Variants in CLDN10 observed in about 807,000 individuals in gnomAD.
CLDN10 encodes the protein claudin-10.
CLDN10 carries 15 observed loss-of-function variants against 22.9 expected under a neutral mutation model. That is an observed-to-expected ratio of 0.65 (90% CI 0.44 to 1.01). The LOEUF is 1.01. Ranked by LOEUF, CLDN10 falls within the 50% of genes least tolerant of loss-of-function variation. The probability of loss-of-function intolerance (pLI) is 0.00; values close to 1 mark genes in which losing one functional copy is unlikely to be tolerated. For missense variants in CLDN10, 247 were observed against 287.8 expected, an observed-to-expected ratio of 0.86 and a Z score of 1.03; for synonymous variants, 114 against 111.4, an observed-to-expected ratio of 1.02 and a Z score of -0.15.
chr13:95,577,358 A>C lies in CLDN10; in HGVS notation c.572+20A>C. On this transcript the variant is annotated intron_variant, in intron 4 of 4. Transcript: ENST00000299339. ...ACCCAGGTATGAAAAAGAGACAAAA[A>C]TGACCTGTTAAAAAGTAGAATGCTA... The C allele has an allele frequency of 6.9e-7, 1 of 1,454,230 alleles. No individual in the cohort carries two copies. Among genetic ancestry groups the C allele is most frequent in the East Asian group, 2.3e-5 (1 of 44,126 alleles). 90.1% of individuals were successfully genotyped at this position (1,454,230 alleles called of 1,614,324 possible). A position where few individuals can be genotyped will look rare whatever the true frequency, so the allele number is the denominator to read the frequency against.
chr13:95,479,825 C>T (rs1594548617), intron 1 of CLDN10: 1 of 152,202 alleles, frequency 6.6e-6, no homozygotes, highest in South Asian at 2.1e-4. Flanking sequence ...TACAGCTCCT[C>T]CCACATCCCC....
At chr13:95,493,908 G>A (rs913827896) in intron 1 of CLDN10, among the ~76,000 whole-genome samples, 1 of 151,974 alleles carries the variant, frequency 6.6e-6, no homozygotes, top group Non-Finnish European at 1.5e-5. Context: ...CGTTTTCAAG[G>A]TTCATCCACG....
At chr13:95,559,389 C>T (rs906904451) in intron 1 of CLDN10, among the ~76,000 whole-genome samples, 2 of 152,190 alleles carry the variant, frequency 1.3e-5, no homozygotes, top group Non-Finnish European at 2.9e-5. Context: ...ACAGAACATA[C>T]TCGTTAGGGT....
At chr13:95,456,104 A>C (rs1057308997) in intron 1 of CLDN10, among the ~76,000 whole-genome samples, 2 of 152,248 alleles carry the variant, frequency 1.3e-5, no homozygotes, top group Non-Finnish European at 2.9e-5. Context: ...GGTACAAAAA[A>C]GCTGAAAGAG....
At chr13:95,545,688 AT>A (rs754553788) in intron 1 of CLDN10, among the ~76,000 whole-genome samples, 17 of 152,242 alleles carry the variant, frequency 1.1e-4, no homozygotes, top group South Asian at 4.2e-4. Context: ...AAATAACAAT[AT>A]TTTTTATGGC....
intron 1 of CLDN10, among the ~76,000 whole-genome samples, chr13:95,513,352 A>C (rs1178822242): frequency 6.6e-6 from 1 of 152,220 alleles, no homozygotes; most frequent in African/African-American, 2.4e-5. Flanking sequence ...TAGTTTACAT[A>C]ACAAGGGGCA....
At chr13:95,562,458 C>T (rs895540004) in intron 3 of CLDN10, among the ~76,000 whole-genome samples, 3 of 152,074 alleles carry the variant, frequency 2.0e-5, no homozygotes, top group South Asian at 4.1e-4. Context: ...GGTTTTAGAC[C>T]TCAATATAAC....
Position 95,461,314 on chromosome 13 carries a change from T to C in CLDN10, c.214+27267T>C, listed in dbSNP as rs151018423. 9.2e-5 allele frequency among the ~76,000 whole-genome samples: 14 copies of C among 152,310 alleles called. No individual in the cohort carries two copies. In the East Asian group the frequency reaches 2.1e-3, roughly 23 times the overall value. On this transcript the variant is annotated intron_variant, in intron 1 of 4. Coordinates refer to the CLDN10 transcript ENST00000376873. The stretch of plus-strand genomic sequence containing the variant: ...CTCAGCTAGAACACTCTAGTACTTC[T>C]ACTCCACCCCATTCTATTGCTCTTT...
At chr13:95,563,819 C>T (rs1303836849) in intron 3 of CLDN10, among the ~76,000 whole-genome samples, 2 of 152,210 alleles carry the variant, frequency 1.3e-5, no homozygotes, top group Non-Finnish European at 2.9e-5. Context: ...ACTAATATGA[C>T]TTCACTTGGT....
intron 1 of CLDN10, among the ~76,000 whole-genome samples, chr13:95,498,325 T>C (rs140270516): frequency 9.2e-5 from 14 of 152,344 alleles, no homozygotes; most frequent in African/African-American, 3.4e-4. Context: ...CCAAAGAGAA[T>C]TTCAGTTTCC....
At chr13:95,493,716 C>T (rs369871504) in intron 1 of CLDN10, among the ~76,000 whole-genome samples, 4 of 152,208 alleles carry the variant, frequency 2.6e-5, no homozygotes, top group South Asian at 2.1e-4. Context: ...CATGCCACCA[C>T]GCCCAGCTAA....
chr13:95,501,147 G>A (rs2042980485), intron 1 of CLDN10, among the ~76,000 whole-genome samples: 1 of 151,912 alleles, frequency 6.6e-6, no homozygotes. Flanking sequence ...CCAAGTACCT[G>A]GGATTACAAG....
intron 1 of CLDN10, among the ~76,000 whole-genome samples, chr13:95,508,892 G>T (rs773740230): frequency 3.3e-5 from 5 of 152,208 alleles, no homozygotes; most frequent in Non-Finnish European, 7.3e-5. Context: ...TGTTTCATAA[G>T]GCCTTGTGGG....
At chr13:95,462,743 A>G (rs1427815059) in intron 1 of CLDN10, among the ~76,000 whole-genome samples, 1 of 152,126 alleles carries the variant, frequency 6.6e-6, no homozygotes, top group East Asian at 1.9e-4. Context: ...TCTAAATAAC[A>G]GCTGAGTTTT....
At chr13:95,489,126 T>C (rs925941347) in intron 1 of CLDN10, among the ~76,000 whole-genome samples, 30 of 151,900 alleles carry the variant, frequency 2.0e-4, no homozygotes, top group Non-Finnish European at 2.2e-4. Flanking sequence ...AGTTTTACTT[T>C]TTAGTAGAAA....
chr13:95,487,330 T>G (rs980954063), intron 1 of CLDN10, among the ~76,000 whole-genome samples: 1 of 152,234 alleles, frequency 6.6e-6, no homozygotes, highest in African/African-American at 2.4e-5. Flanking sequence ...CACAAAATCA[T>G]TTTTGAATAT....
chr13:95,466,182 A>G (rs1268335624), intron 1 of CLDN10, among the ~76,000 whole-genome samples: 2 of 152,012 alleles, frequency 1.3e-5, no homozygotes, highest in Non-Finnish European at 2.9e-5. Flanking sequence ...TTCTTTTTAT[A>G]TGTGTCTGGA....
chr13:95,452,101 G>C (rs2042437182), intron 1 of CLDN10, among the ~76,000 whole-genome samples: 1 of 152,132 alleles, frequency 6.6e-6, no homozygotes, highest in African/African-American at 2.4e-5. Flanking sequence ...TTGCTACCAA[G>C]CTATCAATGC....
chr13:95,452,479 G>T (rs892345972), intron 1 of CLDN10, among the ~76,000 whole-genome samples: 2 of 152,192 alleles, frequency 1.3e-5, no homozygotes, highest in African/African-American at 4.8e-5. Flanking sequence ...TTGAGATATG[G>T]ATGTGGTTGT....
Sources: gnomAD v4.1 joint callset for allele counts (sites outside exome capture counted in the v4.1 genomes callset) on GRCh38, gnomAD v4.1.1 for gene constraint, MANE v1.5 for transcripts, NCBI Gene and HGNC (gene_info 2026-07-23, HGNC 2026-07-21) for gene names.